The following EFCAB7 variants were observed in gnomAD, a reference collection of about 807,000 sequenced individuals.
EFCAB7 encodes the protein EF-hand calcium binding domain 7.
EFCAB7 carries 66 observed loss-of-function variants against 77.1 expected under a neutral mutation model. The ratio of observed to expected loss-of-function variants is 0.86; its 90% CI spans 0.70 to 1.05. EFCAB7 has a LOEUF of 1.05. Ranked by LOEUF, EFCAB7 falls within the 50% of genes least tolerant of loss-of-function variation. The pLI, the probability that EFCAB7 is intolerant of heterozygous loss-of-function variation, is 0.00. For synonymous variants in EFCAB7, 225 were observed against 243.3 expected (o/e 0.92, Z 0.70); for missense variants, 638 against 730.5 (o/e 0.87, Z 1.46).
Position 63,534,180 on chromosome 1 carries a change from C to T in EFCAB7, c.768C>T (p.Asn256=). The T allele has an allele frequency of 6.2e-7, 1 of 1,612,630 alleles. No homozygotes were observed. Among genetic ancestry groups the T allele is most frequent in the Non-Finnish European group, 8.5e-7 (1 of 1,179,202 alleles). Residue 256 remains asparagine (N), a synonymous_variant, in exon 6 of 14, where the codon AAC becomes AAT. Coordinates refer to ENST00000371088, the MANE Select transcript of EFCAB7 (RefSeq NM_032437.4). ...SFTVTMGANG[N]RNSKLMEPNL... is the part of the protein sequence containing the mutation. ...CAGTTACCATGGGGGCTAATGGTAA[C>T]CGAAACTCAAAGTTAATGGAGCCAA...
At chr1:63,582,472 T>C in the EFCAB7 span, among the ~76,000 whole-genome samples, 2 of 152,248 alleles carry the variant, frequency 1.3e-5, no homozygotes, top group African/African-American at 2.4e-5. Context: ...AACCTTGCCC[T>C]TTTTGCAAAA....
At chr1:63,539,720 G>A (rs1570397488) in intron 6 of EFCAB7, among the ~76,000 whole-genome samples, 1 of 152,094 alleles carries the variant, frequency 6.6e-6, no homozygotes. Context: ...TAATTCTAAA[G>A]TATTATCCTT....
intron 1 of EFCAB7, 31 bp downstream of exon 1, chr1:63,523,665 C>T (rs1646517997): frequency 5.7e-6 from 1 of 176,354 alleles, no homozygotes; most frequent in Non-Finnish European, 1.2e-5. Flanking sequence ...TCTGTCTCTT[C>T]GCTCCCTCTG....
intron 2 of EFCAB7, among the ~76,000 whole-genome samples, chr1:63,527,065 A>G (rs897172008): frequency 1.2e-4 from 18 of 152,350 alleles, no homozygotes; most frequent in African/African-American, 4.1e-4. Context: ...ACGCCTGGCC[A>G]ATAAATTAAA....
At chr1:63,555,230 G>T in intron 8 of EFCAB7, 128 bp from the exon 9 acceptor site, 3 of 1,108,154 alleles carry the variant, frequency 2.7e-6, no homozygotes, top group Non-Finnish European at 3.8e-6. Context: ...GACTATAATA[G>T]AATTTGTAAA....
chr1:63,533,221 G>A (rs1292831341), intron 4 of EFCAB7, among the ~76,000 whole-genome samples: 1 of 152,026 alleles, frequency 6.6e-6, no homozygotes, highest in Non-Finnish European at 1.5e-5. Context: ...ACCTCTCCTT[G>A]TGTAACATTT....
chr1:63,571,101 A>C lies in EFCAB7; in HGVS notation c.1788A>C (p.Ala596=). ...ACAACAGAGGACTCAACATATTTGC[A>C]GTAGAAGTGGGACCCAAATCTACAA... The part of the protein sequence containing the change: ...CINNRGLNIF[A]VEVGPKSTMV... The change falls in exon 13 of 14, where the codon GCA becomes GCC. Residue 596 remains alanine (A), a synonymous_variant. Transcript: ENST00000371088. 2 of 1,610,894 alleles carry C rather than the reference A, an allele frequency of 1.2e-6. No individual in the cohort carries two copies. The highest frequency in any genetic ancestry group is 1.7e-6 in the Non-Finnish European group (2 of 1,178,434).
chr1:63,539,753 TA>T (rs1156726856), intron 6 of EFCAB7, among the ~76,000 whole-genome samples: 3 of 152,166 alleles, frequency 2.0e-5, no homozygotes, highest in Admixed American at 2.0e-4. Context: ...TAGGTAAATA[TA>T]AAAAATATAA....
intron 7 of EFCAB7, 100 bp downstream of exon 7, chr1:63,546,157 A>G: frequency 7.8e-7 from 1 of 1,284,760 alleles, no homozygotes. Flanking sequence ...GAAGAAAATA[A>G]TCTGCCTAAG....
chr1:63,562,494 T>TATATAA (rs1647120028), intron 11 of EFCAB7, among the ~76,000 whole-genome samples: 3 of 102,088 alleles, frequency 2.9e-5, no homozygotes, highest in African/African-American at 1.1e-4. Context: ...TATATATATA[T>TATATAA]AAAACTTTTT....
Position 63,545,922 on chromosome 1 carries a change from C to A in EFCAB7, c.811C>A (p.Gln271Lys), listed in dbSNP as rs200990658. 212 of 1,613,016 alleles carry A rather than the reference C, an allele frequency of 1.3e-4. No individual in the cohort carries two copies. In the East Asian group the frequency reaches 4.7e-3, roughly 36 times the overall value. The change falls in exon 7 of 14, where the codon CAA becomes AAA. Residue 271 changes from glutamine (Q) to lysine (K), a missense_variant. Transcript: ENST00000371088. ...ATTTTTTCCTTCATTTCAGGACTGG[C>A]AACACATGCAATCAAAAGGTTGCTT... ...LMEPNLIKDWQHMQSKGCFFL... is the reference protein window; with the variant it reads ...LMEPNLIKDWKHMQSKGCFFL...
chr1:63,527,114 GT>G (rs528391089), intron 2 of EFCAB7, among the ~76,000 whole-genome samples: 13 of 151,718 alleles, frequency 8.6e-5, no homozygotes, highest in Admixed American at 2.0e-4. Flanking sequence ...AATAATCCGA[GT>G]TTTTTTTTGT....
At chr1:63,576,349 G>A (rs1647413442), downstream of EFCAB7, among the ~76,000 whole-genome samples, 3 of 151,580 alleles carry the variant, frequency 2.0e-5, no homozygotes, top group South Asian at 6.2e-4. Flanking sequence ...GTGTGCTGGC[G>A]GACGCCTGTA....
At chr1:63,563,422 C>T (rs1480127654) in intron 11 of EFCAB7, among the ~76,000 whole-genome samples, 1 of 152,200 alleles carries the variant, frequency 6.6e-6, no homozygotes, top group East Asian at 1.9e-4. Context: ...GCTGATCAGG[C>T]ACAGTCTCTC....
At position 63,555,378 on chromosome 1, in the gene EFCAB7, A is replaced by G; in HGVS notation, c.1077A>G (p.Glu359=). Residue 359 remains glutamate (E), a synonymous_variant, in exon 9 of 14, where the codon GAA becomes GAG. Coordinates refer to ENST00000371088, the MANE Select transcript of EFCAB7 (RefSeq NM_032437.4). ...AAAAGGTGTTTGGATGGACTGGTGA[A>G]CTAGGACCTGGAATTTACTGGTTAA... ...RNREVFGWTG[E]LGPGIYWLIP... is the part of the protein sequence containing the mutation. 1 of 1,612,930 alleles carries G rather than the reference A, an allele frequency of 6.2e-7. No individual in the cohort carries two copies.
At chr1:63,574,612 G>C (rs923802397), downstream of EFCAB7, among the ~76,000 whole-genome samples, 1 of 152,186 alleles carries the variant, frequency 6.6e-6, no homozygotes, top group African/African-American at 2.4e-5. Context: ...CATAAGCATT[G>C]TCTTGAGCGA....
Position 63,559,835 on chromosome 1 carries a change from A to G in EFCAB7, c.1349-1874A>G, listed in dbSNP as rs188455605. On this transcript the variant is annotated intron_variant, in intron 10 of 13. Transcript: ENST00000371088. ...CCTTTGTCAAATATCAGTTGAATAT[A>G]TTTATGTCGGTCTATTTCTGGGCTC... Among the ~76,000 whole-genome samples, 252 of 152,274 alleles carry G rather than the reference A, an allele frequency of 1.7e-3. 1 individual carries two copies. The highest frequency in any genetic ancestry group is 5.8e-3 in the African/African-American group (240 of 41,560).
At chr1:63,579,844 A>T in the EFCAB7 span, among the ~76,000 whole-genome samples, 1 of 152,184 alleles carries the variant, frequency 6.6e-6, no homozygotes, top group Non-Finnish European at 1.5e-5. Context: ...CATACATAGT[A>T]TACTTTTTGA....
At chr1:63,539,902 T>C (rs1004831324) in intron 6 of EFCAB7, among the ~76,000 whole-genome samples, 3 of 152,200 alleles carry the variant, frequency 2.0e-5, no homozygotes, top group Non-Finnish European at 4.4e-5. Flanking sequence ...AACATTTCTT[T>C]CATTTCTATT....
Sources: allele counts gnomAD v4.1 joint callset (sites outside exome capture counted in the v4.1 genomes callset), GRCh38; gene constraint gnomAD v4.1.1; transcripts MANE v1.5; gene names NCBI Gene and HGNC (gene_info 2026-07-23, HGNC 2026-07-21).